The following EBF4 variants were observed in gnomAD, a reference collection of about 807,000 sequenced individuals.
The protein encoded by EBF4 is EBF transcription factor 4, also known as transcription factor COE4.
Under a neutral mutation model 67.1 loss-of-function variants are expected in EBF4, and 34 were observed. The observed-to-expected ratio is 0.51, with a 90% CI of 0.39 to 0.67. The LOEUF (loss-of-function observed/expected upper bound fraction) is 0.67. Among genes scored for constraint, EBF4 ranks in the 30% least tolerant of loss-of-function variants. EBF4 has a pLI of 0.00. For synonymous variants in EBF4, 387 were observed against 377.7 expected, an observed-to-expected ratio of 1.02 and a Z score of -0.29; for missense variants, 837 against 873.3, an observed-to-expected ratio of 0.96 and a Z score of 0.52.
intron 14 of EBF4, 71 bp downstream of exon 14, chr20:2,752,616 C>A: frequency 3.4e-6 from 4 of 1,177,844 alleles, no homozygotes; most frequent in Non-Finnish European, 4.3e-6. Context: ...CCGCCCCCGC[C>A]CATCCCGGAG....
At chr20:2,730,381 C>T (rs764830831) in intron 6 of EBF4, among the ~76,000 whole-genome samples, 1 of 152,146 alleles carries the variant, frequency 6.6e-6, no homozygotes, top group Non-Finnish European at 1.5e-5. Context: ...GTCTAATCTC[C>T]CTCTATCCTA....
chr20:2,735,513 G>A (rs918132018), intron 6 of EBF4, among the ~76,000 whole-genome samples: 8 of 152,218 alleles, frequency 5.3e-5, no homozygotes, highest in African/African-American at 1.7e-4. Context: ...TTTTGACCAT[G>A]TTTGCCAGTG....
intron 6 of EBF4, among the ~76,000 whole-genome samples, chr20:2,742,087 G>A (rs945112137): frequency 3.3e-5 from 5 of 152,194 alleles, no homozygotes; most frequent in African/African-American, 1.2e-4. Flanking sequence ...AGGCAGGCTT[G>A]CCGCTGCAGT....
rs898357905 is a variant in EBF4, at chr20:2,756,047, CT to C, written c.1738+224del. 6.6e-6 allele frequency among the ~76,000 whole-genome samples: 1 copy of C among 152,218 alleles called. No individual in the cohort carries two copies. The highest frequency in any genetic ancestry group is 1.5e-5 in the Non-Finnish European group (1 of 68,036). ...TGGGATGGTCACCATTCTGGATGCT[CT>C]CAGTTGACCACTTGGCCAAGGGGAA... On this transcript the variant is annotated intron_variant, in intron 15 of 16. Coordinates refer to ENST00000609451, the Ensembl canonical transcript of EBF4. The surrounding 1 kb of genome is among the most constrained non-coding windows in gnomAD (Gnocchi z 4.5).
intron 1 of EBF4, among the ~76,000 whole-genome samples, chr20:2,702,320 C>G (rs563763555): frequency 2.6e-5 from 4 of 151,954 alleles, no homozygotes; most frequent in Non-Finnish European, 5.9e-5. Context: ...CCCAGCTACT[C>G]GGACGGCTGA....
Position 2,723,668 on chromosome 20 carries a change from GC to G in EBF4, c.557+14027del, listed in dbSNP as rs758397393. Among the ~76,000 whole-genome samples the G allele has an allele frequency of 9.9e-5, 15 of 152,278 alleles. No homozygotes were observed. In the East Asian group the frequency reaches 2.9e-3, roughly 29 times the overall value. On this transcript the variant is annotated intron_variant, in intron 6 of 16. Coordinates refer to ENST00000609451, the Ensembl canonical transcript of EBF4. Reference sequence around the variant, plus strand: ...CCGGCCAGATGTTTCTCTTTTAATAGCACGTTGCTGGATTTTTTAAATCTAG... The same window carrying G: ...CCGGCCAGATGTTTCTCTTTTAATAGACGTTGCTGGATTTTTTAAATCTAG...
rs1166588088 is a variant in EBF4, at chr20:2,707,220, A to G, written c.415-727A>G. ...GGCAGGCCAGGCAGTGCCTAGTGGA[A>G]CTGTCAAGGGGACGGGTGTGGAAGG... On this transcript the variant is annotated intron_variant, in intron 4 of 16. Coordinates refer to ENST00000609451, the Ensembl canonical transcript of EBF4. The surrounding 1 kb of genome is among the most constrained non-coding windows in gnomAD (Gnocchi z 4.6). Among the ~76,000 whole-genome samples, 1 of 151,992 alleles carries G rather than the reference A, an allele frequency of 6.6e-6. No homozygotes were observed. Among genetic ancestry groups the G allele is most frequent in the Non-Finnish European group, 1.5e-5 (1 of 67,996 alleles).
At chr20:2,723,933 T>C (rs905954450) in intron 6 of EBF4, among the ~76,000 whole-genome samples, 18 of 152,248 alleles carry the variant, frequency 1.2e-4, no homozygotes, top group Non-Finnish European at 2.4e-4. Context: ...GTGTTTCTTA[T>C]CTCATTTTCT....
rs964311184 is a variant in EBF4 at position 2,751,292 on chromosome 20, ATTG to A, written c.1019-405_1019-403del. Among the ~76,000 whole-genome samples, 1 of 152,048 alleles carries A rather than the reference ATTG, an allele frequency of 6.6e-6. No homozygotes were observed. The highest frequency in any genetic ancestry group is 1.5e-5 in the Non-Finnish European group (1 of 68,016). ...TCCACTTGAGCCGTGATAAATGGAG[ATTG>A]TTAAGTTTTTTCTTTTTTATAATAA... On this transcript the variant is annotated intron_variant, in intron 10 of 16. Transcript: ENST00000609451. This position sits in a 1 kb window ranked among gnomAD's most constrained non-coding sequence, Gnocchi z 5.2.
At chr20:2,731,542 C>T (rs528250514) in intron 6 of EBF4, among the ~76,000 whole-genome samples, 7 of 152,272 alleles carry the variant, frequency 4.6e-5, no homozygotes, top group African/African-American at 9.6e-5. Context: ...GGAAAGATAG[C>T]GTCTAAATGG....
In EBF4 at chr20:2,707,451, T is replaced by C. The variant is rs1357404108; in HGVS notation, c.415-496T>C. Among the ~76,000 whole-genome samples, 2 of 151,906 alleles carry C rather than the reference T, an allele frequency of 1.3e-5. No homozygotes were observed. The highest frequency in any genetic ancestry group is 4.8e-5 in the African/African-American group (2 of 41,334). On this transcript the variant is annotated intron_variant, in intron 4 of 16. Transcript: ENST00000609451. The surrounding 1 kb of genome is among the most constrained non-coding windows in gnomAD (Gnocchi z 4.6). ...GATGGTATGGGGGAAGAGGCGATAG[T>C]TATCTAGGGGGAAGAGGCAGCTGTG...
chr20:2,705,695 G>T lies in EBF4; in HGVS notation c.256G>T (p.Glu86Ter). 1 of 1,551,604 alleles carries T rather than the reference G, an allele frequency of 6.4e-7. No homozygotes were observed. Among genetic ancestry groups the T allele is most frequent in the Non-Finnish European group, 8.7e-7 (1 of 1,146,984 alleles). The change falls in exon 2 of 17, where the codon GAG becomes TAG. Residue 86 changes from glutamate (E) to a stop codon, truncating the protein, a stop_gained. Transcript: ENST00000609451. LOFTEE classifies it high-confidence loss of function. ...CCGGCAGGGGCAGCCCGTGGAGGTGGAGCGCACAGCCTTCATCGACTTCGT... is the reference window on the plus strand; with the variant it reads ...CCGGCAGGGGCAGCCCGTGGAGGTGTAGCGCACAGCCTTCATCGACTTCGT...
rs1286821621 is a variant in EBF4 at position 2,739,493 on chromosome 20, A to G, written c.558-9056A>G. 6.7e-6 allele frequency among the ~76,000 whole-genome samples: 1 copy of G among 150,034 alleles called. No homozygotes were observed. Among genetic ancestry groups the G allele is most frequent in the Non-Finnish European group, 1.5e-5 (1 of 67,360 alleles). ...GGCACATCCTCCTGCCGTGCCCACCACTCTGTCTTCCTGAGTTTCTCTTTC... is the reference window on the plus strand; with the variant it reads ...GGCACATCCTCCTGCCGTGCCCACCGCTCTGTCTTCCTGAGTTTCTCTTTC... On this transcript the variant is annotated intron_variant, in intron 6 of 16. Coordinates refer to ENST00000609451, the Ensembl canonical transcript of EBF4. This position sits in a 1 kb window ranked among gnomAD's most constrained non-coding sequence, Gnocchi z 4.5.
At chr20:2,705,759 G>C in intron 2 of EBF4, 26 bp downstream of exon 2, 1 of 1,536,572 alleles carries the variant, frequency 6.5e-7, no homozygotes, top group South Asian at 1.2e-5. Flanking sequence ...GCTTGGCTGG[G>C]ACTGGCCCCG....
At chr20:2,699,137 G>A (rs2087339114) in intron 1 of EBF4, among the ~76,000 whole-genome samples, 1 of 152,132 alleles carries the variant, frequency 6.6e-6, no homozygotes, top group South Asian at 2.1e-4. Context: ...GCCTTGCAAA[G>A]GAGCATCTCC....
intron 6 of EBF4, among the ~76,000 whole-genome samples, chr20:2,734,917 A>G (rs1317808429): frequency 6.6e-6 from 1 of 152,148 alleles, no homozygotes; most frequent in African/African-American, 2.4e-5. Context: ...GGGGCTTTCC[A>G]TGCCTTTTTT....
chr20:2,755,548 C>T lies in EBF4; in HGVS notation c.1541-79C>T. On this transcript the variant is annotated intron_variant, in intron 14 of 16. Coordinates refer to ENST00000609451, the Ensembl canonical transcript of EBF4. This position sits in a 1 kb window ranked among gnomAD's most constrained non-coding sequence, Gnocchi z 4.7. ...CCCATGTGGGGCCCCAGCCAAGCTGCTCACTCTGGTGCTGTCTCCCTGTTG... is the reference window on the plus strand; with the variant it reads ...CCCATGTGGGGCCCCAGCCAAGCTGTTCACTCTGGTGCTGTCTCCCTGTTG... The T allele has an allele frequency of 1.3e-6, 1 of 749,484 alleles. No individual in the cohort carries two copies. Among genetic ancestry groups the T allele is most frequent in the Admixed American group, 2.1e-5 (1 of 47,968 alleles). 46.4% of individuals were successfully genotyped at this position (749,484 alleles called of 1,614,324 possible).
At chr20:2,718,870 G>A (rs575579855) in intron 6 of EBF4, among the ~76,000 whole-genome samples, 2 of 152,032 alleles carry the variant, frequency 1.3e-5, no homozygotes, top group Admixed American at 6.6e-5. Context: ...TAAGTTATTG[G>A]CTTAAAATCT....
chr20:2,740,243 G>A (rs2087947607), intron 6 of EBF4, among the ~76,000 whole-genome samples: 1 of 152,156 alleles, frequency 6.6e-6, no homozygotes, highest in South Asian at 2.1e-4. Flanking sequence ...AACCCAGGAG[G>A]TGGAGGTTGC....
Sources: gnomAD v4.1 joint callset for allele counts (sites outside exome capture counted in the v4.1 genomes callset) on GRCh38, gnomAD v4.1.1 for gene constraint, Gnocchi (gnomAD v3.1) non-coding constraint, MANE v1.5 for transcripts, NCBI Gene and HGNC (gene_info 2026-07-23, HGNC 2026-07-21) for gene names.